TOP6BL: variants seen among roughly 807,000 people sequenced by gnomAD.
TOP6BL encodes the protein type 2 DNA topoisomerase 6 subunit B-like.
At chr11:66,772,261 G>C in the TOP6BL span, among the ~76,000 whole-genome samples, 2 of 152,124 alleles carry the variant, frequency 1.3e-5, no homozygotes, top group African/African-American at 2.4e-5. Context: ...TATTTTTCAA[G>C]CTTGCTAAAC....
At chr11:66,752,029 T>G in the TOP6BL span, among the ~76,000 whole-genome samples, 50 of 152,174 alleles carry the variant, frequency 3.3e-4, no homozygotes, top group Admixed American at 2.6e-4. Context: ...ACTTGATGCT[T>G]TCTGTATCTG....
chr11:66,760,761 A>G, the TOP6BL span, among the ~76,000 whole-genome samples: 2 of 151,992 alleles, frequency 1.3e-5, no homozygotes, highest in African/African-American at 4.8e-5. Flanking sequence ...CCGTGATCAC[A>G]CACCACTGCA....
At chr11:66,818,094 G>T in the TOP6BL span, among the ~76,000 whole-genome samples, 3 of 151,922 alleles carry the variant, frequency 2.0e-5, no homozygotes, top group Non-Finnish European at 4.4e-5. Context: ...TGTTTTCGTG[G>T]GACTCTATTC....
chr11:66,754,544 A>G, the TOP6BL span, among the ~76,000 whole-genome samples: 2 of 152,218 alleles, frequency 1.3e-5, no homozygotes, highest in African/African-American at 2.4e-5. Context: ...GTTAGAGACT[A>G]TAAAGCTGAT....
At chr11:66,823,844 G>A in the TOP6BL span, among the ~76,000 whole-genome samples, 2 of 152,088 alleles carry the variant, frequency 1.3e-5, no homozygotes, top group Non-Finnish European at 2.9e-5. Flanking sequence ...AAAGAACAGA[G>A]CTAGGACTAG....
chr11:66,843,035 C>T, the TOP6BL span: 6 of 1,556,442 alleles, frequency 3.9e-6, no homozygotes, highest in South Asian at 1.2e-5. Context: ...AGGGCCCTGG[C>T]GCCGGGCAGG....
the TOP6BL span, among the ~76,000 whole-genome samples, chr11:66,772,123 T>C: frequency 6.6e-6 from 1 of 152,054 alleles, no homozygotes; most frequent in Non-Finnish European, 1.5e-5. Context: ...ATGGATGACT[T>C]TGAGGGGTTC....
chr11:66,778,038 G>C, the TOP6BL span, among the ~76,000 whole-genome samples: 1 of 150,980 alleles, frequency 6.6e-6, no homozygotes, highest in Non-Finnish European at 1.5e-5. Flanking sequence ...CTTTTAATAA[G>C]TGTTTACCAC....
the TOP6BL span, among the ~76,000 whole-genome samples, chr11:66,837,309 A>G: frequency 6.6e-6 from 1 of 151,534 alleles, no homozygotes; most frequent in Non-Finnish European, 1.5e-5. Flanking sequence ...TTGTATTTGT[A>G]ATAGAGACGG....
chr11:66,812,591 C>T, the TOP6BL span, among the ~76,000 whole-genome samples: 7 of 152,112 alleles, frequency 4.6e-5, no homozygotes, highest in Non-Finnish European at 8.8e-5. Flanking sequence ...AAAGCCTTTC[C>T]ATAATGCCTC....
the TOP6BL span, among the ~76,000 whole-genome samples, chr11:66,793,829 C>T: frequency 6.6e-6 from 1 of 151,754 alleles, no homozygotes; most frequent in Non-Finnish European, 1.5e-5. Flanking sequence ...ATTAAAAGGC[C>T]AGGTGCAGTG....
the TOP6BL span, among the ~76,000 whole-genome samples, chr11:66,750,996 C>T: frequency 1.4e-4 from 21 of 151,292 alleles, no homozygotes; most frequent in East Asian, 2.8e-3. Flanking sequence ...TTAGCCACCA[C>T]GCCTGGCCAA....
the TOP6BL span, among the ~76,000 whole-genome samples, chr11:66,770,669 A>C: frequency 6.6e-6 from 1 of 152,142 alleles, no homozygotes; most frequent in African/African-American, 2.4e-5. Flanking sequence ...ACACCACTGC[A>C]CTCCAGCCTG....
the TOP6BL span, among the ~76,000 whole-genome samples, chr11:66,788,448 C>T: frequency 3.3e-5 from 5 of 152,308 alleles, no homozygotes; most frequent in East Asian, 3.9e-4. Context: ...AAAATACTGT[C>T]GTCTGTGTCC....
the TOP6BL span, among the ~76,000 whole-genome samples, chr11:66,795,204 GTATA>G: frequency 6.6e-6 from 1 of 151,626 alleles, no homozygotes; most frequent in Non-Finnish European, 1.5e-5. Context: ...TTGTGAGGTA[GTATA>G]TATATAGCAA....
chr11:66,745,655 C>G, the TOP6BL span, among the ~76,000 whole-genome samples: 1 of 152,234 alleles, frequency 6.6e-6, no homozygotes, highest in Non-Finnish European at 1.5e-5. Flanking sequence ...GGCGTCCTGC[C>G]TGTTTGTTGT....
At chr11:66,796,430 T>A in the TOP6BL span, 1 of 1,225,584 alleles carries the variant, frequency 8.2e-7, no homozygotes, top group East Asian at 2.4e-5. Flanking sequence ...AGACCTTTAC[T>A]GTGTAGGACA....
the TOP6BL span, among the ~76,000 whole-genome samples, chr11:66,767,725 G>A: frequency 5.8e-4 from 89 of 152,290 alleles, no homozygotes; most frequent in African/African-American, 2.1e-3. Flanking sequence ...ACATGGCTAT[G>A]ATAGTTCAGT....
the TOP6BL span, among the ~76,000 whole-genome samples, chr11:66,811,550 A>G: frequency 6.6e-6 from 1 of 152,218 alleles, no homozygotes; most frequent in African/African-American, 2.4e-5. Context: ...CAAAAATATA[A>G]TGTATAAGGT....
Sources: gnomAD v4.1 joint callset for allele counts (sites outside exome capture counted in the v4.1 genomes callset) on GRCh38, gnomAD v4.1.1 for gene constraint, MANE v1.5 for transcripts, NCBI Gene and HGNC (gene_info 2026-07-23, HGNC 2026-07-21) for gene names.